The following ATRNL1 variants were observed in gnomAD, a reference collection of about 807,000 sequenced individuals.
ATRNL1 encodes attractin-like protein 1.
In ATRNL1, 95 loss-of-function variants were observed where a neutral mutation model predicts 182.7. The ratio of observed to expected loss-of-function variants is 0.52; its 90% CI spans 0.44 to 0.62. ATRNL1 has a LOEUF of 0.62. ATRNL1 is among the 20% of genes least tolerant of loss of function. The pLI, the probability that ATRNL1 is intolerant of heterozygous loss-of-function variation, is 0.00. For synonymous variants in ATRNL1, 576 were observed against 568.3 expected, an observed-to-expected ratio of 1.01 and a Z score of -0.19; for missense variants, 1,471 against 1,679.5, an observed-to-expected ratio of 0.88 and a Z score of 2.17.
At chr10:115,824,112 G>A (rs562875280) in intron 27 of ATRNL1, among the ~76,000 whole-genome samples, 6 of 152,244 alleles carry the variant, frequency 3.9e-5, no homozygotes, top group African/African-American at 1.4e-4. Context: ...AGAGGCCTCA[G>A]AAATAATGCC....
chr10:115,554,521 A>G (rs536576659), intron 26 of ATRNL1, among the ~76,000 whole-genome samples: 4 of 151,690 alleles, frequency 2.6e-5, no homozygotes, highest in South Asian at 4.1e-4. Flanking sequence ...TTCTTGCTAT[A>G]TTATAGACAA....
chr10:115,879,706 G>A (rs1555108101), intron 28 of ATRNL1, among the ~76,000 whole-genome samples: 1 of 152,152 alleles, frequency 6.6e-6, no homozygotes, highest in Non-Finnish European at 1.5e-5. Context: ...GCAATAGATT[G>A]TAAATGATAA....
chr10:115,915,081 A>C (rs1320780484), intron 28 of ATRNL1, among the ~76,000 whole-genome samples: 1 of 152,202 alleles, frequency 6.6e-6, no homozygotes, highest in Non-Finnish European at 1.5e-5. Context: ...ATATGTTTGT[A>C]AATGTCTTGA....
intron 27 of ATRNL1, among the ~76,000 whole-genome samples, chr10:115,805,712 T>C (rs1207095786): frequency 6.6e-6 from 1 of 152,144 alleles, no homozygotes; most frequent in African/African-American, 2.4e-5. Context: ...ATAATACAAG[T>C]ACAGGTAGGC....
intron 26 of ATRNL1, among the ~76,000 whole-genome samples, chr10:115,675,699 G>T (rs1555042752): frequency 6.6e-6 from 1 of 152,038 alleles, no homozygotes; most frequent in East Asian, 1.9e-4. Context: ...ACCCACTGTG[G>T]TTACATACCT....
intron 24 of ATRNL1, among the ~76,000 whole-genome samples, chr10:115,470,947 TTTAA>T (rs1848281876): frequency 6.6e-6 from 1 of 150,646 alleles, no homozygotes; most frequent in East Asian, 1.9e-4. Context: ...GTAAAATTAT[TTTAA>T]TTATGATTTT....
intron 10 of ATRNL1, among the ~76,000 whole-genome samples, chr10:115,261,527 A>G (rs1199714049): frequency 6.6e-6 from 1 of 152,192 alleles, no homozygotes; most frequent in Non-Finnish European, 1.5e-5. Flanking sequence ...AAATTGCCAG[A>G]TATCTTGATG....
At chr10:115,906,803 A>C (rs1445107120) in intron 28 of ATRNL1, among the ~76,000 whole-genome samples, 1 of 152,264 alleles carries the variant, frequency 6.6e-6, no homozygotes. Flanking sequence ...GAACTTCGTA[A>C]ATTTTGAACA....
intron 8 of ATRNL1, among the ~76,000 whole-genome samples, chr10:115,177,925 T>G (rs1174859323): frequency 0.016 from 400 of 24,664 alleles, 3 homozygotes; most frequent in South Asian, 0.066. Context: ...TTTTTTTTTG[T>G]TTTTTTTTTT....
chr10:115,438,320 A>G (rs184562732), intron 21 of ATRNL1, among the ~76,000 whole-genome samples: 9 of 152,060 alleles, frequency 5.9e-5, no homozygotes, highest in East Asian at 1.9e-4. Context: ...ACTGGTTACT[A>G]TCTTCTTAAA....
intron 25 of ATRNL1, among the ~76,000 whole-genome samples, chr10:115,530,845 T>A (rs888072443): frequency 6.9e-6 from 1 of 144,556 alleles, no homozygotes; most frequent in Non-Finnish European, 1.5e-5. Context: ...GTTCTCATTG[T>A]TCAATTCCCA....
intron 26 of ATRNL1, among the ~76,000 whole-genome samples, chr10:115,643,533 T>TAGA (rs1859402211): frequency 6.6e-6 from 1 of 152,200 alleles, no homozygotes; most frequent in Non-Finnish European, 1.5e-5. Context: ...TAAAAATTTG[T>TAGA]AGAGCACATA....
intron 28 of ATRNL1, among the ~76,000 whole-genome samples, chr10:115,889,287 G>A (rs1387326944): frequency 1.3e-5 from 2 of 152,020 alleles, no homozygotes; most frequent in Non-Finnish European, 2.9e-5. Context: ...TAACTAAATT[G>A]ATAAACAGCC....
chr10:115,643,210 G>A (rs1859372288), intron 26 of ATRNL1, among the ~76,000 whole-genome samples: 1 of 152,110 alleles, frequency 6.6e-6, no homozygotes, highest in South Asian at 2.1e-4. Flanking sequence ...AGATGCAAAG[G>A]TGTTTCAATG....
chr10:115,751,024 A>T (rs1204614818), intron 27 of ATRNL1, among the ~76,000 whole-genome samples: 1 of 152,026 alleles, frequency 6.6e-6, no homozygotes, highest in Non-Finnish European at 1.5e-5. Flanking sequence ...ACATGGCAAA[A>T]GAGATTTTGA....
intron 27 of ATRNL1, among the ~76,000 whole-genome samples, chr10:115,797,049 G>A (rs1205216259): frequency 1.3e-5 from 2 of 152,064 alleles, no homozygotes; most frequent in Non-Finnish European, 2.9e-5. Flanking sequence ...ATGATATTTG[G>A]ACTGAAGCAT....
At chr10:115,934,044 G>A (rs1555122301) in intron 28 of ATRNL1, among the ~76,000 whole-genome samples, 2 of 152,082 alleles carry the variant, frequency 1.3e-5, no homozygotes, top group African/African-American at 2.4e-5. Context: ...TTAGAGTGGA[G>A]GTACCTTTTC....
chr10:115,422,014 C>T lies in ATRNL1; in HGVS notation c.3270-4236C>T, dbSNP rs369919473. ...CCATATGCAGAAGTTGAAACTGGAC[C>T]CCTTTCTTACACCATATACAAAAGT... On this transcript the variant is annotated intron_variant, in intron 20 of 28. Coordinates refer to ENST00000355044, the MANE Select transcript of ATRNL1 (RefSeq NM_207303.4). Among the ~76,000 whole-genome samples the T allele has an allele frequency of 1.3e-4, 20 of 152,168 alleles. No homozygotes were observed. In the East Asian group the frequency reaches 3.9e-3, roughly 29 times the overall value.
At chr10:115,128,890 A>T (rs1845096972) in intron 4 of ATRNL1, among the ~76,000 whole-genome samples, 1 of 151,884 alleles carries the variant, frequency 6.6e-6, no homozygotes. Context: ...CTTCAATAAC[A>T]GTGTATGGGT....
Sources: allele counts gnomAD v4.1 joint callset (sites outside exome capture counted in the v4.1 genomes callset), GRCh38; gene constraint gnomAD v4.1.1; transcripts MANE v1.5; gene names NCBI Gene and HGNC (gene_info 2026-07-23, HGNC 2026-07-21).